IL17RA: variants seen among roughly 807,000 people sequenced by gnomAD.
IL17RA encodes the protein interleukin-17 receptor A.
In IL17RA, 34 loss-of-function variants were observed where a neutral mutation model predicts 50.4. The observed-to-expected ratio is 0.67, with a 90% CI of 0.51 to 0.90. The LOEUF is 0.90. Among genes scored for constraint, IL17RA ranks in the 40% least tolerant of loss-of-function variants. The pLI is 0.00. For missense variants in IL17RA, 1,276 were observed against 1,169.8 expected, an observed-to-expected ratio of 1.09 and a Z score of -1.32; for synonymous variants, 585 against 510.4, an observed-to-expected ratio of 1.15 and a Z score of -1.97.
In IL17RA at chr22:17,108,840, A is replaced by G. The variant is rs2123811788; in HGVS notation, c.1621A>G (p.Met541Val). 3 of 1,608,010 alleles carry G rather than the reference A, an allele frequency of 1.9e-6. No homozygotes were observed. Among genetic ancestry groups the G allele is most frequent in the Non-Finnish European group, 2.5e-6 (3 of 1,177,456 alleles). Reference protein sequence around the residue: ...EVYFRIQDLEMFQPGRMHRVG... With the variant: ...EVYFRIQDLEVFQPGRMHRVG... ...GTACTTCCGCATCCAGGACCTGGAGATGTTCCAGCCGGGCCGCATGCACCG... is the reference window on the plus strand; with the variant it reads ...GTACTTCCGCATCCAGGACCTGGAGGTGTTCCAGCCGGGCCGCATGCACCG... The change falls in exon 13 of 13, where the codon ATG becomes GTG. Residue 541 changes from methionine (M) to valine (V), a missense_variant. Transcript: ENST00000319363.
At chr22:17,093,022 G>A (rs1420579565) in intron 1 of IL17RA, among the ~76,000 whole-genome samples, 3 of 151,920 alleles carry the variant, frequency 2.0e-5, no homozygotes, top group African/African-American at 4.8e-5. Flanking sequence ...GTATCTCTTC[G>A]GGGCTATAAT....
chr22:17,103,719 G>A (rs916515302), intron 8 of IL17RA, 142 bp downstream of exon 8: 23 of 720,364 alleles, frequency 3.2e-5, no homozygotes, highest in Non-Finnish European at 4.7e-5. Context: ...TGGTGTGGAC[G>A]GGAGTGGGGA....
intron 1 of IL17RA, among the ~76,000 whole-genome samples, chr22:17,095,135 G>A (rs1365492691): frequency 6.6e-6 from 1 of 152,012 alleles, no homozygotes; most frequent in African/African-American, 2.4e-5. Context: ...TAAAATATTA[G>A]CAAATGTAAT....
At chr22:17,086,171 C>T (rs1453161668) in intron 1 of IL17RA, among the ~76,000 whole-genome samples, 1 of 152,140 alleles carries the variant, frequency 6.6e-6, no homozygotes, top group Admixed American at 6.5e-5. Flanking sequence ...CGCCGTGCCC[C>T]TCCACAATAT....
In IL17RA at chr22:17,110,007, TC is replaced by T. The variant is rs1226173878; in HGVS notation, c.*188del. ...TTTTCTTTGTGCAGCGGTCTGGTTATCGTCTATCCCCAGGGGAATCCACACA... is the reference window on the plus strand; with the variant it reads ...TTTTCTTTGTGCAGCGGTCTGGTTATGTCTATCCCCAGGGGAATCCACACA... On this transcript the variant is annotated 3_prime_UTR_variant, in exon 13 of 13. Transcript: ENST00000319363. 6.2e-6 allele frequency: 4 copies of T among 644,674 alleles called. No homozygotes were observed. The highest frequency in any genetic ancestry group is 1.1e-5 in the Non-Finnish European group (4 of 377,638). The allele number at this position is 644,674 out of a possible 1,614,324, so 39.9% of individuals were successfully genotyped here.
At position 17,107,749 on chromosome 22, in the gene IL17RA, T is replaced by G; in HGVS notation, c.1068T>G (p.Ser356Arg). ...RLAGPGSEKY[S>R]DDTKYTDGLP... The stretch of plus-strand genomic sequence containing the variant: ...CAGGGCCTGGAAGTGAAAAATACAG[T>G]GATGACACCAAATACACCGGTCAGT... Residue 356 changes from serine (S) to arginine (R), a missense_variant, in exon 12 of 13, where the codon AGT becomes AGG. By Grantham distance (110) the Ser-to-Arg change is moderately radical. Coordinates refer to ENST00000319363, the MANE Select transcript of IL17RA (RefSeq NM_014339.7). The G allele has an allele frequency of 6.2e-7, 1 of 1,613,910 alleles. No individual in the cohort carries two copies. Among genetic ancestry groups the G allele is most frequent in the Non-Finnish European group, 8.5e-7 (1 of 1,179,742 alleles).
At chr22:17,107,650 T>A (rs2061419747) in intron 11 of IL17RA, 77 bp from the exon 12 acceptor site, 4 of 1,260,140 alleles carry the variant, frequency 3.2e-6, no homozygotes, top group Non-Finnish European at 4.7e-6. Context: ...TTGTCAGGGA[T>A]GGGGCAGACA....
chr22:17,096,597 G>A (rs946156777), intron 1 of IL17RA, among the ~76,000 whole-genome samples: 16 of 152,198 alleles, frequency 1.1e-4, no homozygotes, highest in Admixed American at 7.9e-4. Flanking sequence ...TGTGCCGGGC[G>A]CGGTGGCTCA....
intron 12 of IL17RA, among the ~76,000 whole-genome samples, chr22:17,108,008 C>T (rs2061421147): frequency 6.6e-6 from 1 of 152,248 alleles, no homozygotes; most frequent in African/African-American, 2.4e-5. Context: ...GAGGTCCTCC[C>T]TGGAGCAGAC....
In IL17RA at chr22:17,105,604, T is replaced by C; in HGVS notation, c.943+2T>C. 6.2e-7 allele frequency: 1 copy of C among 1,613,382 alleles called. No individual in the cohort carries two copies. Among genetic ancestry groups the C allele is most frequent in the African/African-American group, 1.3e-5 (1 of 74,998 alleles). On this transcript the variant is annotated splice_donor_variant, in intron 10 of 12. Transcript: ENST00000319363. LOFTEE classifies it high-confidence loss of function. ...TTCTCATTGCAGAACCAATTCCGGG[T>C]AAGCTTGGATCTCTCTCCGACAGCA...
intron 1 of IL17RA, among the ~76,000 whole-genome samples, chr22:17,086,467 C>G (rs1218396145): frequency 2.0e-5 from 3 of 152,086 alleles, no homozygotes. Flanking sequence ...CCCTGCTAGT[C>G]CCTCCTGCAG....
At chr22:17,103,657 C>T (rs1424188603) in intron 8 of IL17RA, 80 bp downstream of exon 8, 3 of 1,131,618 alleles carry the variant, frequency 2.7e-6, no homozygotes, top group Non-Finnish European at 2.6e-6. Context: ...GGAGTGTGCA[C>T]AGGTGAAGAG....
chr22:17,094,656 ACTCTCTCTCTCTCTCTCTCTCT>A (rs1207841287), intron 1 of IL17RA, among the ~76,000 whole-genome samples: 1 of 29,276 alleles, frequency 3.4e-5, no homozygotes, highest in East Asian at 8.6e-4. Flanking sequence ...TCATACACAC[ACTCTCTCTCTCTCTCTCTCTCT>A]CTCTCTCTCT....
At chr22:17,108,148 A>G (rs187734534) in intron 12 of IL17RA, among the ~76,000 whole-genome samples, 159 bp from the exon 13 acceptor site, 259 of 152,358 alleles carry the variant, frequency 1.7e-3, no homozygotes, top group African/African-American at 5.3e-3. Flanking sequence ...AAGGTGGAAT[A>G]GTAACATCTG....
At chr22:17,098,724 T>C (rs1395255077) in intron 3 of IL17RA, 51 bp from the exon 4 acceptor site, 1 of 1,475,042 alleles carries the variant, frequency 6.8e-7, no homozygotes, top group Non-Finnish European at 9.5e-7. Context: ...CACCCAGCAC[T>C]TGTCTTGGCT....
rs781384752 is a variant in IL17RA at position 17,109,346 on chromosome 22, G to A, written c.2127G>A (p.Pro709=). 10 of 1,587,992 alleles carry A rather than the reference G, an allele frequency of 6.3e-6. No individual in the cohort carries two copies. Among genetic ancestry groups the A allele is most frequent in the Admixed American group, 3.4e-5 (2 of 58,192 alleles). The change falls in exon 13 of 13, where the codon CCG becomes CCA. Residue 709 remains proline (P), a synonymous_variant. Coordinates refer to ENST00000319363, the MANE Select transcript of IL17RA (RefSeq NM_014339.7). ...AGGCCTGCCCGCTGCTGGGCAGCCCGGGCGCTGGGCGAAATAGCGTCCTCT... is the reference window on the plus strand; with the variant it reads ...AGGCCTGCCCGCTGCTGGGCAGCCCAGGCGCTGGGCGAAATAGCGTCCTCT... The part of the protein sequence containing the change: ...EGEACPLLGS[P]GAGRNSVLFL...
At chr22:17,105,280 G>A (rs976866839) in intron 9 of IL17RA, among the ~76,000 whole-genome samples, 5 of 152,192 alleles carry the variant, frequency 3.3e-5, no homozygotes, top group Non-Finnish European at 5.9e-5. Flanking sequence ...CAGCAGGGAC[G>A]CTGTTTTCAA....
At chr22:17,085,543 G>A (rs1373491019) in intron 1 of IL17RA, among the ~76,000 whole-genome samples, 1 of 152,148 alleles carries the variant, frequency 6.6e-6, no homozygotes, top group Non-Finnish European at 1.5e-5. Context: ...GTTCGGGGAA[G>A]GAGGGCGCGG....
At chr22:17,090,356 T>C (rs895939991) in intron 1 of IL17RA, among the ~76,000 whole-genome samples, 17 of 152,262 alleles carry the variant, frequency 1.1e-4, no homozygotes, top group African/African-American at 3.9e-4. Context: ...TTTCTTCCAC[T>C]AAACAAATTA....
Sources: allele counts gnomAD v4.1 joint callset (sites outside exome capture counted in the v4.1 genomes callset), GRCh38; gene constraint gnomAD v4.1.1; transcripts MANE v1.5; gene names NCBI Gene and HGNC (gene_info 2026-07-23, HGNC 2026-07-21).